Variants in ITIH6 observed in about 807,000 individuals in gnomAD.
ITIH6 encodes inter-alpha-trypsin inhibitor heavy chain H6.
In ITIH6, 60 loss-of-function variants were observed where a neutral mutation model predicts 58.2. The ratio of observed to expected loss-of-function variants is 1.03; its 90% confidence interval spans 0.84 to 1.28. The LOEUF (loss-of-function observed/expected upper bound fraction) is 1.28. Among genes scored for constraint, ITIH6 ranks in the 50% most tolerant of loss-of-function variants. The pLI is 0.00. For synonymous variants in ITIH6, 493 were observed against 417.4 expected, an observed-to-expected ratio of 1.18 and a Z score of -2.21; for missense variants, 1,290 against 1,021.1, an observed-to-expected ratio of 1.26 and a Z score of -3.59.
intron 6 of ITIH6, among the ~76,000 whole-genome samples, chrX:54,760,494 G>C (rs955206765): frequency 9.0e-5 from 10 of 111,285 alleles, no homozygotes; most frequent in African/African-American, 2.9e-4. Flanking sequence ...CAACATGCAG[G>C]TTTGTTACAT....
intron 6 of ITIH6, among the ~76,000 whole-genome samples, chrX:54,760,199 T>G (rs997435631): frequency 2.7e-5 from 3 of 111,878 alleles, no homozygotes; most frequent in African/African-American, 9.7e-5. Flanking sequence ...ATTCAAACAT[T>G]TAATTCTTTA....
intron 11 of ITIH6, among the ~76,000 whole-genome samples, chrX:54,751,684 C>T (rs1270659829): frequency 8.9e-6 from 1 of 111,907 alleles, no homozygotes; most frequent in Non-Finnish European, 1.9e-5. Context: ...CATATCAGTA[C>T]ATCTGCATGT....
At chrX:54,773,980 A>G (rs947252848) in intron 6 of ITIH6, 101 bp downstream of exon 6, 2 of 456,087 alleles carry the variant, frequency 4.4e-6, no homozygotes, top group African/African-American at 5.0e-5. Flanking sequence ...GGGTCATGGG[A>G]TGGTGGAATC....
In ITIH6 at chrX:54,751,359, A is replaced by G; in HGVS notation, c.3374T>C (p.Leu1125Pro). 1 of 1,211,719 alleles carries G rather than the reference A, an allele frequency of 8.3e-7. No homozygotes were observed. Among genetic ancestry groups the G allele is most frequent in the Non-Finnish European group, 1.1e-6 (1 of 895,327 alleles). The change falls in exon 12 of 13, where the codon CTG (leucine) becomes CCG (proline). Residue 1125 changes from leucine to proline, a missense_variant. Physicochemically the swap from Leu to Pro is moderately conservative, Grantham distance 98. Transcript: ENST00000218436. ...PKAGLHVSGKLLGAPPRPGHK... is the reference protein window; with the variant it reads ...PKAGLHVSGKPLGAPPRPGHK... ...GCCCGGCCTTGGTGGTGCGCCAAGC[A>G]GCTTCCCACTCACATGCAGCCCTGG...
chrX:54,791,962 T>C lies in ITIH6; in HGVS notation c.332A>G (p.His111Arg). 8.3e-7 allele frequency: 1 copy of C among 1,204,010 alleles called. No homozygotes were observed. The highest frequency in any genetic ancestry group is 1.1e-6 in the Non-Finnish European group (1 of 888,368). ...HQAKKIYEEA[H>R]QQGKTAAHVG... ...ATGAGCAGCTGTCTTTCCCTGCTGA[T>C]GGGCTTCTTCATAGATTTTCTTTGC... is the stretch of plus-strand genomic sequence containing the variant. Residue 111 changes from histidine (H) to arginine (R), a missense_variant, in exon 3 of 13, where the codon CAT becomes CGT. Physicochemically the swap from His to Arg is conservative, Grantham distance 29. Coordinates refer to ENST00000218436, the MANE Select transcript of ITIH6 (RefSeq NM_198510.3).
Position 54,758,041 on chromosome X carries a change from G to A in ITIH6, c.2033C>T (p.Thr678Ile). 8.3e-7 allele frequency: 1 copy of A among 1,210,863 alleles called. No individual in the cohort carries two copies. The highest frequency in any genetic ancestry group is 3.0e-5 in the East Asian group (1 of 33,829). The stretch of plus-strand genomic sequence containing the variant: ...CTCTTTGGAACTTAGCATCTTCTTG[G>A]TAGAGGCAGTAGTAGTTGAGGATAA... ...FYLSSTTTAS[T>I]KKMLSSKELE... Residue 678 changes from threonine to isoleucine, a missense_variant, in exon 8 of 13, where the codon ACC becomes ATC. Coordinates refer to ENST00000218436, the MANE Select transcript of ITIH6 (RefSeq NM_198510.3).
intron 6 of ITIH6, among the ~76,000 whole-genome samples, chrX:54,772,973 G>A (rs1209967123): frequency 1.8e-5 from 2 of 111,401 alleles, no homozygotes; most frequent in Admixed American, 9.5e-5. Context: ...GTTTTGCCAT[G>A]TTGCCCAGGC....
intron 6 of ITIH6, among the ~76,000 whole-genome samples, chrX:54,768,805 C>G (rs1310638965): frequency 1.9e-5 from 2 of 103,869 alleles, no homozygotes; most frequent in Non-Finnish European, 3.8e-5. Context: ...TCTGGCTGCC[C>G]TTAACATTTT....
chrX:54,761,145 T>C (rs62615619), intron 6 of ITIH6, among the ~76,000 whole-genome samples: 2,196 of 112,271 alleles, frequency 0.02, 30 homozygotes, highest in Non-Finnish European at 0.03. Context: ...TGGTGTGAGA[T>C]GGTATCTCAT....
In ITIH6 at chrX:54,757,946, G is replaced by T; in HGVS notation, c.2128C>A (p.Gln710Lys). The change falls in exon 8 of 13, where the codon CAA (glutamine) becomes AAA (lysine). Residue 710 changes from glutamine (Q) to lysine (K), a missense_variant. Physicochemically the swap from Gln to Lys is moderately conservative, Grantham distance 53. Coordinates refer to ENST00000218436, the MANE Select transcript of ITIH6 (RefSeq NM_198510.3). Reference protein sequence around the residue: ...PTYPKAKIPAQQDSGTLAQPT... With the variant: ...PTYPKAKIPAKQDSGTLAQPT... ...TGGGCCAAGGTGCCAGAATCCTGTT[G>T]TGCTGGAATTTTGGCCTTTGGGTAT... The T allele has an allele frequency of 8.3e-7, 1 of 1,211,805 alleles. No homozygotes were observed.
At position 54,753,647 on chromosome X, in the gene ITIH6, T is replaced by A; in HGVS notation, c.3352+4A>T. The A allele has an allele frequency of 8.4e-7, 1 of 1,189,761 alleles. No homozygotes were observed. The highest frequency in any genetic ancestry group is 1.7e-5 in the African/African-American group (1 of 57,314). Reference sequence around the variant, plus strand: ...TATGGTGATGGAGTTCTTGGGGCTCTTACCTGCCTTTGGGTCCTCTATGAG... The same window carrying A: ...TATGGTGATGGAGTTCTTGGGGCTCATACCTGCCTTTGGGTCCTCTATGAG... On this transcript the variant is annotated splice_donor_region_variant and intron_variant, in intron 11 of 12. Transcript: ENST00000218436.
intron 6 of ITIH6, among the ~76,000 whole-genome samples, chrX:54,767,003 T>C (rs1928804487): frequency 9.1e-6 from 1 of 110,422 alleles, no homozygotes; most frequent in South Asian, 3.8e-4. Flanking sequence ...AATTCGGCTA[T>C]GAATCCATCT....
Position 54,756,379 on chromosome X carries a change from G to T in ITIH6, c.3109+586C>A, listed in dbSNP as rs12012796. On this transcript the variant is annotated intron_variant, in intron 8 of 12. Transcript: ENST00000218436. ...CCTCTCTGTGCTTCATTCTCCTCACGTGTAAAATGACGATGTCAAGAAAGA... is the reference window on the plus strand; with the variant it reads ...CCTCTCTGTGCTTCATTCTCCTCACTTGTAAAATGACGATGTCAAGAAAGA... 4.3e-3 allele frequency among the ~76,000 whole-genome samples: 481 copies of T among 111,905 alleles called. 3 individuals carry two copies. The highest frequency in any genetic ancestry group is 0.015 in the African/African-American group (465 of 30,782).
chrX:54,754,076 C>G lies in ITIH6; in HGVS notation c.3203-111G>C, dbSNP rs1040005828. The stretch of plus-strand genomic sequence containing the variant: ...AAATTCCTGTGTTCAGCATTTAAGG[C>G]TTTTCTGAAATCTAGTCCCTGCCTA... On this transcript the variant is annotated intron_variant, in intron 9 of 12. Transcript: ENST00000218436. 37 of 775,321 alleles carry G rather than the reference C, an allele frequency of 4.8e-5. No homozygotes were observed. The African/African-American group carries it at 6.9e-4, about 15-fold the overall frequency. 63.9% of individuals were successfully genotyped at this position (775,321 alleles called of 1,213,427 possible).
intron 2 of ITIH6, among the ~76,000 whole-genome samples, chrX:54,794,448 C>G (rs1929405617): frequency 9.0e-6 from 1 of 111,331 alleles, no homozygotes; most frequent in African/African-American, 3.3e-5. Context: ...AGTCCAAACC[C>G]ACGCCTGCTC....
chrX:54,796,726 T>G, intron 2 of ITIH6, among the ~76,000 whole-genome samples: 1 of 110,468 alleles, frequency 9.1e-6, no homozygotes, highest in Middle Eastern at 4.7e-3. Context: ...AAGTGGGTTC[T>G]AATTTTATCC....
At chrX:54,764,248 C>T (rs1928717016) in intron 6 of ITIH6, among the ~76,000 whole-genome samples, 1 of 109,129 alleles carries the variant, frequency 9.2e-6, no homozygotes, top group South Asian at 3.9e-4. Flanking sequence ...ATTTTCTATT[C>T]TTTTAAAATT....
chrX:54,763,955 T>C (rs1928711605), intron 6 of ITIH6, among the ~76,000 whole-genome samples: 1 of 112,584 alleles, frequency 8.9e-6, no homozygotes, highest in Non-Finnish European at 1.9e-5. Flanking sequence ...TATTTATTGC[T>C]GAAAATTTCC....
chrX:54,765,643 C>T (rs1928764369), intron 6 of ITIH6, among the ~76,000 whole-genome samples: 2 of 101,107 alleles, frequency 2.0e-5, no homozygotes, highest in African/African-American at 7.5e-5. Context: ...GTTGCCCAGG[C>T]CAGACTGCGG....
Sources: allele counts gnomAD v4.1 joint callset (sites outside exome capture counted in the v4.1 genomes callset), GRCh38; gene constraint gnomAD v4.1.1; transcripts MANE v1.5; gene names NCBI Gene and HGNC (gene_info 2026-07-23, HGNC 2026-07-21).